Variants in STX17 observed in about 807,000 individuals in gnomAD.
STX17 encodes the protein syntaxin 17, also known as syntaxin-17.
In STX17, 29 loss-of-function variants were observed where a neutral mutation model predicts 35.9. The ratio of observed to expected loss-of-function variants is 0.81; its 90% CI spans 0.60 to 1.10. The LOEUF (loss-of-function observed/expected upper bound fraction) is 1.10, where lower values mean the gene tolerates loss of function less well. Among genes scored for constraint, STX17 ranks in the 50% least tolerant of loss-of-function variants. The pLI is 0.00. For synonymous variants in STX17, 92 were observed against 118.3 expected (o/e 0.78, Z 1.44); for missense variants, 312 against 352.3 (o/e 0.89, Z 0.92).
chr9:99,919,053 C>T lies in STX17; in HGVS notation c.123+3691C>T, dbSNP rs750454511. 2.6e-5 allele frequency among the ~76,000 whole-genome samples: 4 copies of T among 152,124 alleles called. No individual in the cohort carries two copies. In the East Asian group the frequency reaches 7.7e-4, roughly 29 times the overall value. ...TGTGGTAACTGATCCCTGCCCTTAG[C>T]TGTGCTTGGTATCCAGTGTCCTTAG... On this transcript the variant is annotated intron_variant, in intron 2 of 7. Transcript: ENST00000259400.
In STX17 at chr9:99,971,808, C is replaced by T. The variant is rs1390200609; in HGVS notation, c.*3135C>T. ...GGCAGAGGCCAGAGGATCACTTGAG[C>T]CCAGGAGTTTGAGACCAGCCTGGGC... is the stretch of plus-strand genomic sequence containing the variant. On this transcript the variant is annotated 3_prime_UTR_variant, in exon 8 of 8. Transcript: ENST00000259400. Among the ~76,000 whole-genome samples, 1 of 151,808 alleles carries T rather than the reference C, an allele frequency of 6.6e-6. No individual in the cohort carries two copies. Among genetic ancestry groups the T allele is most frequent in the African/African-American group, 2.4e-5 (1 of 41,244 alleles).
chr9:99,933,410 T>A (rs750366644), intron 3 of STX17, among the ~76,000 whole-genome samples: 1 of 152,196 alleles, frequency 6.6e-6, no homozygotes, highest in Non-Finnish European at 1.5e-5. Flanking sequence ...TATACTTGGC[T>A]CTTTAGTCCT....
intron 3 of STX17, among the ~76,000 whole-genome samples, chr9:99,939,481 C>G (rs1356615248): frequency 2.6e-5 from 4 of 152,064 alleles, no homozygotes; most frequent in African/African-American, 9.7e-5. Context: ...TTGTATACCT[C>G]TAAGAAAGAA....
chr9:99,914,772 A>G (rs1160527388), intron 1 of STX17, among the ~76,000 whole-genome samples: 1 of 152,224 alleles, frequency 6.6e-6, no homozygotes, highest in African/African-American at 2.4e-5. Flanking sequence ...AGGTTATTCA[A>G]TGTCCAAGAT....
intron 1 of STX17, among the ~76,000 whole-genome samples, chr9:99,910,474 A>G (rs1430436646): frequency 6.6e-6 from 1 of 152,194 alleles, no homozygotes; most frequent in Non-Finnish European, 1.5e-5. Flanking sequence ...TATATGTTTT[A>G]AAAACCTTGA....
chr9:99,915,153 T>A, intron 1 of STX17, 25 bp from the exon 2 acceptor site: 1 of 1,403,482 alleles, frequency 7.1e-7, no homozygotes, highest in East Asian at 2.5e-5. Flanking sequence ...TTGAAAACAT[T>A]CTTAAAGAAA....
intron 4 of STX17, among the ~76,000 whole-genome samples, chr9:99,952,501 A>G (rs1362227891): frequency 6.6e-6 from 1 of 152,174 alleles, no homozygotes; most frequent in East Asian, 1.9e-4. Context: ...AACTAGAAAT[A>G]TCATTTGACC....
chr9:99,963,398 C>T (rs1161817740), intron 6 of STX17, among the ~76,000 whole-genome samples: 1 of 152,140 alleles, frequency 6.6e-6, no homozygotes, highest in Non-Finnish European at 1.5e-5. Flanking sequence ...TGCCTTTTGC[C>T]TTATTCCCTG....
At chr9:99,927,957 T>TC (rs1224415900) in intron 2 of STX17, among the ~76,000 whole-genome samples, 3 of 152,188 alleles carry the variant, frequency 2.0e-5, no homozygotes, top group Non-Finnish European at 4.4e-5. Flanking sequence ...AATGTATGTT[T>TC]TCTATGCATA....
chr9:99,908,051 C>G (rs894547495), intron 1 of STX17, among the ~76,000 whole-genome samples: 3 of 152,128 alleles, frequency 2.0e-5, no homozygotes, highest in African/African-American at 7.2e-5. Context: ...TGGGGTTTGT[C>G]CAGTGTTCTC....
intron 3 of STX17, among the ~76,000 whole-genome samples, chr9:99,945,345 A>G (rs1829458680): frequency 6.6e-6 from 1 of 152,172 alleles, no homozygotes; most frequent in South Asian, 2.1e-4. Context: ...GATATTATAA[A>G]GTGATTCTCT....
At chr9:99,946,599 A>C (rs1000507866) in intron 3 of STX17, among the ~76,000 whole-genome samples, 3 of 152,000 alleles carry the variant, frequency 2.0e-5, no homozygotes, top group Non-Finnish European at 4.4e-5. Flanking sequence ...TGCATTTCCA[A>C]CTTTTTATCT....
chr9:99,952,039 A>G (rs912465880), intron 4 of STX17, among the ~76,000 whole-genome samples: 28 of 152,026 alleles, frequency 1.8e-4, no homozygotes, highest in Non-Finnish European at 7.4e-5. Flanking sequence ...GCTTTGTTTT[A>G]TAACTACTGC....
chr9:99,955,436 A>T (rs1829687471), intron 4 of STX17, among the ~76,000 whole-genome samples: 1 of 152,030 alleles, frequency 6.6e-6, no homozygotes, highest in Non-Finnish European at 1.5e-5. Context: ...AAGTAATTTT[A>T]TTTTGATAGG....
rs1450785160 is a variant in STX17 at position 99,971,721 on chromosome 9, A to G, written c.*3048A>G. Among the ~76,000 whole-genome samples, 2 of 152,192 alleles carry G rather than the reference A, an allele frequency of 1.3e-5. No individual in the cohort carries two copies. The highest frequency in any genetic ancestry group is 2.9e-5 in the Non-Finnish European group (2 of 68,028). ...ATGTCTCTCAGACTATACAGCCTCTATACAAAATTGAGATGGGGGTTGGGG... is the reference window on the plus strand; with the variant it reads ...ATGTCTCTCAGACTATACAGCCTCTGTACAAAATTGAGATGGGGGTTGGGG... On this transcript the variant is annotated 3_prime_UTR_variant, in exon 8 of 8. Coordinates refer to ENST00000259400, the MANE Select transcript of STX17 (RefSeq NM_017919.3).
chr9:99,968,776 T>C lies in STX17; in HGVS notation c.*103T>C. The C allele has an allele frequency of 2.0e-6, 3 of 1,488,702 alleles. No individual in the cohort carries two copies. The highest frequency in any genetic ancestry group is 2.7e-6 in the Non-Finnish European group (3 of 1,105,034). 92.2% of individuals were successfully genotyped at this position (1,488,702 alleles called of 1,614,324 possible). The stretch of plus-strand genomic sequence containing the variant: ...TTGGAACACAAGTATATCAAGATAG[T>C]GGCTACTGATGTTCAAGTGGGATTG... On this transcript the variant is annotated 3_prime_UTR_variant, in exon 8 of 8. Coordinates refer to ENST00000259400, the MANE Select transcript of STX17 (RefSeq NM_017919.3).
At chr9:99,936,426 G>A (rs565667241) in intron 3 of STX17, among the ~76,000 whole-genome samples, 1 of 152,136 alleles carries the variant, frequency 6.6e-6, no homozygotes, top group Admixed American at 6.5e-5. Flanking sequence ...ACCTTCATTT[G>A]CTTAATGATT....
At chr9:99,959,650 G>A (rs1829787988) in intron 4 of STX17, among the ~76,000 whole-genome samples, 1 of 151,900 alleles carries the variant, frequency 6.6e-6, no homozygotes, top group South Asian at 2.1e-4. Flanking sequence ...TTGTAGAGAC[G>A]AGGTCTCACT....
At position 99,972,752 on chromosome 9, in the gene STX17, A is replaced by G. The variant is rs2118570787; in HGVS notation, c.*4079A>G. ...CAGAAACCAAACCATGCTTTGTGTT[A>G]ACCTTAAATATGAAAGGTGTTTCTC... On this transcript the variant is annotated 3_prime_UTR_variant, in exon 8 of 8. Coordinates refer to ENST00000259400, the MANE Select transcript of STX17 (RefSeq NM_017919.3). Among the ~76,000 whole-genome samples, 1 of 152,340 alleles carries G rather than the reference A, an allele frequency of 6.6e-6. No homozygotes were observed. The highest frequency in any genetic ancestry group is 2.1e-4 in the South Asian group (1 of 4,826).
Sources: gnomAD v4.1 joint callset for allele counts (sites outside exome capture counted in the v4.1 genomes callset) on GRCh38, gnomAD v4.1.1 for gene constraint, MANE v1.5 for transcripts, NCBI Gene and HGNC (gene_info 2026-07-23, HGNC 2026-07-21) for gene names.